FAM13A: variants seen among roughly 807,000 people sequenced by gnomAD.
The protein encoded by FAM13A is family with sequence similarity 13 member A.
A neutral mutation model predicts 129.6 loss-of-function variants in FAM13A; 76 were observed. The ratio of observed to expected loss-of-function variants is 0.59; its 90% confidence interval spans 0.49 to 0.71. The LOEUF (loss-of-function observed/expected upper bound fraction) is 0.71. FAM13A is among the 30% of genes least tolerant of loss of function. FAM13A has a pLI of 0.00. For synonymous variants in FAM13A, 443 were observed against 449.9 expected (o/e 0.98, Z 0.20); for missense variants, 1,108 against 1,249.3 (o/e 0.89, Z 1.70).
rs181913233 is a variant in FAM13A at position 88,876,748 on chromosome 4, C to T, written c.844-25565G>A. 1.9e-3 allele frequency among the ~76,000 whole-genome samples: 286 copies of T among 152,186 alleles called. 1 individual carries two copies. Among genetic ancestry groups the T allele is most frequent in the Non-Finnish European group, 1.6e-3 (110 of 68,012 alleles). On this transcript the variant is annotated intron_variant, in intron 6 of 23. Transcript: ENST00000264344. ...CTGGGACTACAGGTGCCTGCCACCACGCCCAGCTAATTTTTTGTATTTTTA... is the reference window on the plus strand; with the variant it reads ...CTGGGACTACAGGTGCCTGCCACCATGCCCAGCTAATTTTTTGTATTTTTA...
intron 7 of FAM13A, among the ~76,000 whole-genome samples, chr4:88,816,725 G>A (rs532930825): frequency 2.6e-5 from 4 of 152,188 alleles, no homozygotes; most frequent in African/African-American, 7.2e-5. Flanking sequence ...CATCAACTTC[G>A]TATACAAATG....
chr4:88,790,573 C>G lies in FAM13A; in HGVS notation c.1091+13G>C. The G allele has an allele frequency of 6.3e-7, 1 of 1,599,408 alleles. No homozygotes were observed. The highest frequency in any genetic ancestry group is 1.1e-5 in the South Asian group (1 of 88,324). On this transcript the variant is annotated intron_variant, in intron 9 of 23. Transcript: ENST00000264344. ...AAAACCCAAAGCCCAAAAACCCAAC[C>G]CAAATAACTTACTCTCCGGTTGCAG...
rs1239578274 is a variant in FAM13A, at chr4:88,726,354, C to CAA, written c.*2177_*2178dup. Reference sequence around the variant, plus strand: ...AAAGGAAAACACAACATCTCATACACAATTTATTTTATATAACTTACTTGG... The same window carrying CAA: ...AAAGGAAAACACAACATCTCATACACAAAATTTATTTTATATAACTTACTTGG... On this transcript the variant is annotated 3_prime_UTR_variant, in exon 24 of 24. Coordinates refer to ENST00000264344, the MANE Select transcript of FAM13A (RefSeq NM_014883.4). 1.3e-4 allele frequency: 20 copies of CAA among 148,790 alleles called. No individual in the cohort carries two copies. The highest frequency in any genetic ancestry group is 5.2e-4 in the African/African-American group (20 of 38,664). The allele number at this position is 148,790 out of a possible 1,614,324, so 9.2% of individuals were successfully genotyped here.
chr4:88,831,535 G>C (rs1733885583), intron 7 of FAM13A, among the ~76,000 whole-genome samples: 1 of 152,144 alleles, frequency 6.6e-6, no homozygotes, highest in South Asian at 2.1e-4. Context: ...TCAATATACT[G>C]GCTGGTAAAT....
chr4:88,793,448 T>G (rs1725570673), intron 8 of FAM13A, among the ~76,000 whole-genome samples: 1 of 152,064 alleles, frequency 6.6e-6, no homozygotes, highest in Admixed American at 6.6e-5. Context: ...AGTGTGATGT[T>G]TTTAATAGTC....
intron 5 of FAM13A, among the ~76,000 whole-genome samples, chr4:88,914,074 T>C (rs1749676822): frequency 6.6e-6 from 1 of 151,906 alleles, no homozygotes; most frequent in Admixed American, 6.6e-5. Context: ...ACCTAGTTGC[T>C]CAGGACAATG....
intron 2 of FAM13A, among the ~76,000 whole-genome samples, chr4:89,025,242 A>ATTTTTT (rs1560851172): frequency 7.2e-5 from 4 of 55,454 alleles, no homozygotes; most frequent in Admixed American, 2.1e-4. Flanking sequence ...CCATGGAATC[A>ATTTTTT]TTGTTTTTTT....
intron 11 of FAM13A, 164 bp from the exon 12 acceptor site, chr4:88,768,223 T>A (rs1746080210): frequency 9.7e-6 from 5 of 517,076 alleles, no homozygotes; most frequent in Non-Finnish European, 1.7e-5. Context: ...TGACAGTTTA[T>A]TATATCCTGC....
intron 7 of FAM13A, among the ~76,000 whole-genome samples, chr4:88,838,741 A>G (rs969306662): frequency 3.9e-5 from 6 of 152,240 alleles, no homozygotes; most frequent in Middle Eastern, 6.8e-3. Flanking sequence ...AAAAAAAAGA[A>G]AAAGAAAAAG....
In FAM13A at chr4:89,004,157, A is replaced by G. The variant is rs954740474; in HGVS notation, c.428-13007T>C. Among the ~76,000 whole-genome samples the G allele has an allele frequency of 3.0e-4, 46 of 152,000 alleles. 2 individuals are homozygous for G. The highest frequency in any genetic ancestry group is 1.1e-3 in the African/African-American group (45 of 41,378). On this transcript the variant is annotated intron_variant, in intron 3 of 23. Coordinates refer to ENST00000264344, the MANE Select transcript of FAM13A (RefSeq NM_014883.4). ...GCTGGTTTTTTCTTTTCTTTTTTGT[A>G]AGATGGAGTCTCATTTTGTTGCCCA...
At chr4:88,909,673 G>A (rs1748736591) in intron 5 of FAM13A, among the ~76,000 whole-genome samples, 1 of 152,114 alleles carries the variant, frequency 6.6e-6, no homozygotes, top group Admixed American at 6.6e-5. Flanking sequence ...TTTTAGTAGA[G>A]ATGAGGTTTC....
At position 88,726,334 on chromosome 4, in the gene FAM13A, A is replaced by G. The variant is rs2149364566; in HGVS notation, c.*2199T>C. On this transcript the variant is annotated 3_prime_UTR_variant, in exon 24 of 24. Coordinates refer to ENST00000264344, the MANE Select transcript of FAM13A (RefSeq NM_014883.4). ...AGTTAGTTAGTGGAAATTACAAAGG[A>G]AAACACAACATCTCATACACAATTT... The G allele has an allele frequency of 6.6e-6, 1 of 152,280 alleles. No individual in the cohort carries two copies. Among genetic ancestry groups the G allele is most frequent in the South Asian group, 2.1e-4 (1 of 4,826 alleles). 9.4% of individuals were successfully genotyped at this position (152,280 alleles called of 1,614,324 possible).
At chr4:88,784,525 T>A (rs1445152879) in intron 10 of FAM13A, among the ~76,000 whole-genome samples, 1 of 152,144 alleles carries the variant, frequency 6.6e-6, no homozygotes, top group African/African-American at 2.4e-5. Context: ...TATTTCCATA[T>A]TTTTTTCAGG....
chr4:88,852,031 C>T (rs1349048808), intron 6 of FAM13A, among the ~76,000 whole-genome samples: 1 of 152,110 alleles, frequency 6.6e-6, no homozygotes, highest in African/African-American at 2.4e-5. Flanking sequence ...GGATTTTTCC[C>T]ATGCTTGTCC....
At chr4:88,795,302 G>A (rs1725934002) in intron 8 of FAM13A, among the ~76,000 whole-genome samples, 1 of 151,562 alleles carries the variant, frequency 6.6e-6, no homozygotes, top group South Asian at 2.1e-4. Context: ...CTTTTAAATA[G>A]CCTGATTTGA....
intron 5 of FAM13A, among the ~76,000 whole-genome samples, chr4:88,909,275 A>C (rs1315724361): frequency 1.3e-5 from 2 of 152,226 alleles, no homozygotes; most frequent in Non-Finnish European, 2.9e-5. Flanking sequence ...AAAAGGAATA[A>C]AGTACTGACA....
intron 22 of FAM13A, chr4:88,731,713 T>C (rs961517513): frequency 3.8e-6 from 2 of 527,236 alleles, no homozygotes; most frequent in African/African-American, 3.8e-5. Flanking sequence ...AGAGATGACA[T>C]CTGTGCTCAG....
intron 1 of FAM13A, among the ~76,000 whole-genome samples, chr4:89,049,257 T>TA (rs1407196763): frequency 6.6e-6 from 1 of 151,296 alleles, no homozygotes; most frequent in East Asian, 1.9e-4. Flanking sequence ...AGCAGGACCC[T>TA]AACTCAAAAA....
chr4:88,991,548 T>G (rs1410577258), intron 3 of FAM13A, among the ~76,000 whole-genome samples: 2 of 152,198 alleles, frequency 1.3e-5, no homozygotes, highest in African/African-American at 4.8e-5. Flanking sequence ...TTCAATTTAA[T>G]GTTTTAATCC....
Sources: allele counts gnomAD v4.1 joint callset (sites outside exome capture counted in the v4.1 genomes callset), GRCh38; gene constraint gnomAD v4.1.1; transcripts MANE v1.5; gene names NCBI Gene and HGNC (gene_info 2026-07-23, HGNC 2026-07-21).